Variants in SNAP29 observed in about 807,000 individuals in gnomAD.
SNAP29 encodes synaptosomal-associated protein 29.
SNAP29 carries 13 observed loss-of-function variants against 27.9 expected under a neutral mutation model. That is an observed-to-expected ratio of 0.47 (90% CI 0.30 to 0.74). The LOEUF (loss-of-function observed/expected upper bound fraction) is 0.74. SNAP29 is among the 30% of genes least tolerant of loss of function. The pLI, the probability that SNAP29 is intolerant of heterozygous loss-of-function variation, is 0.06. For missense variants in SNAP29, 368 were observed against 336.5 expected (o/e 1.09, Z -0.73); for synonymous variants, 119 against 127.1 (o/e 0.94, Z 0.43).
At chr22:20,861,915 G>A (rs534514213) in intron 1 of SNAP29, among the ~76,000 whole-genome samples, 1 of 152,318 alleles carries the variant, frequency 6.6e-6, no homozygotes, top group Admixed American at 6.5e-5. Context: ...TTACAGGCGT[G>A]AGCGACCACA....
rs361542 is a variant in SNAP29 at position 20,879,851 on chromosome 22, TAAAAA to T, written c.435-1178_435-1174del. 5.7e-3 allele frequency among the ~76,000 whole-genome samples: 555 copies of T among 98,020 alleles called. 3 individuals carry two copies. Among genetic ancestry groups the T allele is most frequent in the Middle Eastern group, 0.016 (3 of 188 alleles). 64.3% of individuals were successfully genotyped at this position (98,020 alleles called of 152,430 possible). Reference sequence around the variant, plus strand: ...GAGCGAGACTCTGTCTGAAAAAATTTAAAAAAAAAAAAAAAAAAAAAAAAGCCAGG... The same window carrying T: ...GAGCGAGACTCTGTCTGAAAAAATTTAAAAAAAAAAAAAAAAAAAGCCAGG... On this transcript the variant is annotated intron_variant, in intron 2 of 4. Transcript: ENST00000215730.
intron 2 of SNAP29, among the ~76,000 whole-genome samples, chr22:20,879,698 T>C (rs1404893396): frequency 6.8e-6 from 1 of 146,804 alleles, no homozygotes; most frequent in East Asian, 2.1e-4. Flanking sequence ...ATACAAAAAA[T>C]AGCCAGGTGT....
intron 4 of SNAP29, among the ~76,000 whole-genome samples, chr22:20,884,900 C>T (rs1323610153): frequency 4.6e-5 from 7 of 152,130 alleles, no homozygotes; most frequent in South Asian, 2.1e-4. Context: ...CTCGGCCTCC[C>T]GAGTAGCTGG....
intron 1 of SNAP29, among the ~76,000 whole-genome samples, chr22:20,868,304 A>G (rs540117420): frequency 9.0e-4 from 137 of 152,352 alleles, no homozygotes; most frequent in African/African-American, 3.2e-3. Context: ...TGGTTTGTTC[A>G]GACATCTCTT....
At chr22:20,881,593 G>A (rs549788862) in intron 3 of SNAP29, among the ~76,000 whole-genome samples, 27 of 152,302 alleles carry the variant, frequency 1.8e-4, no homozygotes, top group African/African-American at 6.3e-4. Context: ...TCTAATCCAA[G>A]CTACTTGGGA....
Position 20,859,098 on chromosome 22 carries a change from C to G in SNAP29, c.-13C>G. Reference sequence around the variant, plus strand: ...CTCCTTCTGTTTCCCAGACCGAGAGCCGCGCCGGCACCATGTCAGCTTACC... The same window carrying G: ...CTCCTTCTGTTTCCCAGACCGAGAGGCGCGCCGGCACCATGTCAGCTTACC... On this transcript the variant is annotated 5_prime_UTR_variant, in exon 1 of 5. Transcript: ENST00000215730. The G allele has an allele frequency of 6.3e-7, 1 of 1,587,872 alleles. No individual in the cohort carries two copies. The highest frequency in any genetic ancestry group is 8.6e-7 in the Non-Finnish European group (1 of 1,161,424).
chr22:20,883,627 C>A, intron 4 of SNAP29, 58 bp downstream of exon 4: 1 of 1,066,886 alleles, frequency 9.4e-7, no homozygotes, highest in South Asian at 1.3e-5. Flanking sequence ...CAGCTTACGC[C>A]AAGCATAGCC....
At chr22:20,884,323 A>G (rs949588827) in intron 4 of SNAP29, among the ~76,000 whole-genome samples, 9 of 150,768 alleles carry the variant, frequency 6.0e-5, no homozygotes, top group African/African-American at 2.2e-4. Context: ...CAAGAGCGAA[A>G]CTCCACCTAA....
chr22:20,864,582 G>A (rs761600634), intron 1 of SNAP29, among the ~76,000 whole-genome samples: 29 of 152,172 alleles, frequency 1.9e-4, no homozygotes, highest in Non-Finnish European at 3.8e-4. Context: ...GGCAGCGTGT[G>A]GTGATACTGA....
At position 20,859,155 on chromosome 22, in the gene SNAP29, G is replaced by C. The variant is rs1031829592; in HGVS notation, c.45G>C (p.Gly15=). ...GCTACAATCCGTTCGACGACGACGG[G>C]GAGGACGAAGGCGCCCGGCCGGCCC... ...PKSYNPFDDD[G]EDEGARPAPW... The change falls in exon 1 of 5, where the codon GGG becomes GGC. Residue 15 remains glycine (G), a synonymous_variant. Coordinates refer to ENST00000215730, the MANE Select transcript of SNAP29 (RefSeq NM_004782.4). The C allele has an allele frequency of 1.9e-6, 3 of 1,607,462 alleles. No homozygotes were observed.
intron 2 of SNAP29, among the ~76,000 whole-genome samples, chr22:20,873,226 G>A (rs1928640336): frequency 6.6e-6 from 1 of 151,804 alleles, no homozygotes; most frequent in Admixed American, 6.6e-5. Flanking sequence ...GGCCAGGTTG[G>A]TCTTGAACTC....
At position 20,869,309 on chromosome 22, in the gene SNAP29, T is replaced by A. The variant is rs150830602; in HGVS notation, c.238-1028T>A. ...AGGGGTAGTGGTTGGAAGAAGGAAT[T>A]CTCCTTTAGGGAAGATGTCTGGGAA... On this transcript the variant is annotated intron_variant, in intron 1 of 4. Transcript: ENST00000215730. Among the ~76,000 whole-genome samples the A allele has an allele frequency of 2.2e-3, 330 of 152,214 alleles. 1 individual carries two copies. The highest frequency in any genetic ancestry group is 7.9e-3 in the African/African-American group (328 of 41,550).
At chr22:20,881,256 T>C in intron 3 of SNAP29, 122 bp downstream of exon 3, 1 of 729,000 alleles carries the variant, frequency 1.4e-6, no homozygotes, top group South Asian at 1.5e-5. Flanking sequence ...CCCCAGCTGC[T>C]GGCATCACCC....
chr22:20,880,784 T>G (rs533061115), intron 2 of SNAP29, among the ~76,000 whole-genome samples: 1 of 152,252 alleles, frequency 6.6e-6, no homozygotes, highest in South Asian at 2.1e-4. Flanking sequence ...CACCTCAGTT[T>G]CCCAAAATGC....
chr22:20,863,773 A>G (rs970523152), intron 1 of SNAP29, among the ~76,000 whole-genome samples: 3 of 151,964 alleles, frequency 2.0e-5, no homozygotes, highest in Admixed American at 6.5e-5. Flanking sequence ...TTCCCTCCCT[A>G]TCATCCCTCT....
At chr22:20,864,257 A>T (rs1400668649) in intron 1 of SNAP29, among the ~76,000 whole-genome samples, 1 of 152,104 alleles carries the variant, frequency 6.6e-6, no homozygotes, top group Admixed American at 6.6e-5. Context: ...CATCAATGGA[A>T]AGGGACAGAG....
At position 20,890,540 on chromosome 22, in the gene SNAP29, G is replaced by C. The variant is rs1431832434; in HGVS notation, c.*2704G>C. The C allele has an allele frequency of 8.0e-6, 3 of 374,188 alleles. No homozygotes were observed. Among genetic ancestry groups the C allele is most frequent in the South Asian group, 3.0e-4 (2 of 6,740 alleles). 23.2% of individuals were successfully genotyped at this position (374,188 alleles called of 1,614,324 possible). On this transcript the variant is annotated 3_prime_UTR_variant, in exon 5 of 5. Coordinates refer to ENST00000215730, the MANE Select transcript of SNAP29 (RefSeq NM_004782.4). ...TGGGAGGCCAAGGCGGGGGGATCAC[G>C]AGGTCAGGAGATCGAGACCATCCTG...
chr22:20,881,183 C>A (rs1236229316), intron 3 of SNAP29, 49 bp downstream of exon 3: 1 of 1,351,822 alleles, frequency 7.4e-7, no homozygotes, highest in East Asian at 2.3e-5. Flanking sequence ...TGGGGGGAGA[C>A]CTCTAGGTTT....
Position 20,887,572 on chromosome 22 carries a change from C to G in SNAP29, c.620-107C>G, listed in dbSNP as rs371713318. 95 of 1,204,108 alleles carry G rather than the reference C, an allele frequency of 7.9e-5. 1 individual carries two copies. The African/African-American group carries it at 1.3e-3, about 17-fold the overall frequency. The allele number at this position is 1,204,108 out of a possible 1,614,324, so 74.6% of individuals were successfully genotyped here. ...ATCTCTGCAGTGGGTGCAGTCCCCC[C>G]AGGCAACACAGATCCCTGTCTCTCC... On this transcript the variant is annotated intron_variant, in intron 4 of 4. Coordinates refer to ENST00000215730, the MANE Select transcript of SNAP29 (RefSeq NM_004782.4).
Sources: allele counts gnomAD v4.1 joint callset (sites outside exome capture counted in the v4.1 genomes callset), GRCh38; gene constraint gnomAD v4.1.1; transcripts MANE v1.5; gene names NCBI Gene and HGNC (gene_info 2026-07-23, HGNC 2026-07-21).